GOPC: variants seen among roughly 807,000 people sequenced by gnomAD.
The protein encoded by GOPC is Golgi-associated PDZ and coiled-coil motif-containing protein.
GOPC carries 32 observed loss-of-function variants against 51.2 expected under a neutral mutation model. The observed-to-expected ratio is 0.63, with a 90% CI of 0.47 to 0.84. The LOEUF is 0.84. Among genes scored for constraint, GOPC ranks in the 40% least tolerant of loss-of-function variants. The pLI, the probability that GOPC is intolerant of heterozygous loss-of-function variation, is 0.00. For missense variants in GOPC, 441 were observed against 555.5 expected (o/e 0.79, Z 2.07); for synonymous variants, 190 against 205.1 (o/e 0.93, Z 0.63).
chr6:117,579,021 G>C lies in GOPC; in HGVS notation c.329C>G (p.Ala110Gly). Residue 110 changes from alanine (A) to glycine (G), a missense_variant, in exon 2 of 9, where the codon GCA becomes GGA. By Grantham distance (60) the Ala-to-Gly change is moderately conservative (BLOSUM62 0). This residue lies in a region of GOPC where 204 missense variants were observed against 219.8 expected (regional missense o/e 0.93). Coordinates refer to ENST00000368498, the MANE Select transcript of GOPC (RefSeq NM_020399.4). ...DLKSELTETQ[A>G]EKVVLEKEVH... is the part of the protein sequence containing the mutation. ...TTCTTTCTCCAAAACAACTTTCTCT[G>C]CTTGGGTTTCTGTCAGTTCAGATTT... The C allele has an allele frequency of 1.2e-6, 2 of 1,610,492 alleles. No homozygotes were observed. Among genetic ancestry groups the C allele is most frequent in the Non-Finnish European group, 8.5e-7 (1 of 1,178,514 alleles).
intron 7 of GOPC, among the ~76,000 whole-genome samples, chr6:117,567,251 A>G (rs557838752): frequency 1.3e-5 from 2 of 152,306 alleles, no homozygotes; most frequent in East Asian, 3.9e-4. Context: ...TAAACATTAT[A>G]GTAGCTCTTT....
At chr6:117,582,273 T>TCC (rs148429862) in intron 1 of GOPC, among the ~76,000 whole-genome samples, 1 of 119,126 alleles carries the variant, frequency 8.4e-6, no homozygotes. Flanking sequence ...CCTCCCCCCC[T>TCC]ACACACACAC....
intron 1 of GOPC, among the ~76,000 whole-genome samples, chr6:117,581,685 CTAAA>C (rs1330374208): frequency 1.3e-5 from 2 of 152,224 alleles, no homozygotes; most frequent in Admixed American, 6.5e-5. Context: ...ATTGTATTCA[CTAAA>C]TAAATATATA....
chr6:117,583,309 T>C (rs1270640735), intron 1 of GOPC, among the ~76,000 whole-genome samples: 1 of 152,220 alleles, frequency 6.6e-6, no homozygotes, highest in Non-Finnish European at 1.5e-5. Flanking sequence ...GAAAATATCC[T>C]GCATCAATAT....
At chr6:117,583,581 T>C (rs1779990049) in intron 1 of GOPC, among the ~76,000 whole-genome samples, 1 of 152,230 alleles carries the variant, frequency 6.6e-6, no homozygotes, top group Admixed American at 6.5e-5. Flanking sequence ...TTTCATCCTA[T>C]TTGTCATGTT....
At position 117,562,138 on chromosome 6, in the gene GOPC, A is replaced by G. The variant is rs2114596106; in HGVS notation, c.*1116T>C. 1 of 206,474 alleles carries G rather than the reference A, an allele frequency of 4.8e-6. No individual in the cohort carries two copies. Among genetic ancestry groups the G allele is most frequent in the Admixed American group, 5.9e-5 (1 of 16,870 alleles). 12.8% of individuals were successfully genotyped at this position (206,474 alleles called of 1,614,324 possible). On this transcript the variant is annotated 3_prime_UTR_variant, in exon 9 of 9. Coordinates refer to ENST00000368498, the MANE Select transcript of GOPC (RefSeq NM_020399.4). Reference sequence around the variant, plus strand: ...GAGAGGAGGCACTCCATGTTTAATCATGGGACAACAGACCTAACAAATTTA... The same window carrying G: ...GAGAGGAGGCACTCCATGTTTAATCGTGGGACAACAGACCTAACAAATTTA...
intron 1 of GOPC, among the ~76,000 whole-genome samples, chr6:117,590,571 CAAAAAAA>C (rs563071906): frequency 7.2e-5 from 5 of 69,508 alleles, no homozygotes; most frequent in African/African-American, 2.6e-4. Context: ...GACCCTGTCT[CAAAAAAA>C]AAAAAAAAAA....
intron 1 of GOPC, among the ~76,000 whole-genome samples, chr6:117,586,257 T>C (rs1177884847): frequency 6.6e-6 from 1 of 152,026 alleles, no homozygotes; most frequent in African/African-American, 2.4e-5. Flanking sequence ...ATAAAAATCA[T>C]ATAGAGATGG....
intron 8 of GOPC, among the ~76,000 whole-genome samples, chr6:117,566,366 T>C (rs1206833688): frequency 6.6e-6 from 1 of 152,164 alleles, no homozygotes; most frequent in African/African-American, 2.4e-5. Context: ...AGTTTTTCCT[T>C]AAAATATGTC....
At chr6:117,601,165 CTT>C (rs777131044) in intron 1 of GOPC, among the ~76,000 whole-genome samples, 1 of 152,280 alleles carries the variant, frequency 6.6e-6, no homozygotes, top group Non-Finnish European at 1.5e-5. Context: ...AGAAAGTACT[CTT>C]TATGCAATAA....
intron 5 of GOPC, among the ~76,000 whole-genome samples, chr6:117,571,609 C>T (rs1307610091): frequency 6.6e-6 from 1 of 152,120 alleles, no homozygotes; most frequent in Non-Finnish European, 1.5e-5. Context: ...CTCCCCCTTT[C>T]CTTAACCTCT....
At chr6:117,600,440 C>T (rs1967193) in intron 1 of GOPC, among the ~76,000 whole-genome samples, 79,231 of 152,014 alleles carry the variant, frequency 0.52, 21,253 homozygotes, top group East Asian at 0.79. Flanking sequence ...TTCCCATACA[C>T]GAAATTTGGG....
At position 117,602,267 on chromosome 6, in the gene GOPC, G is replaced by A. The variant is rs1196892481; in HGVS notation, c.22C>T (p.Pro8Ser). 1.3e-6 allele frequency: 2 copies of A among 1,593,004 alleles called. No individual in the cohort carries two copies. Among genetic ancestry groups the A allele is most frequent in the Non-Finnish European group, 1.7e-6 (2 of 1,176,970 alleles). The change falls in exon 1 of 9, where the codon CCA (proline) becomes TCA (serine). Residue 8 changes from proline (P) to serine (S), a missense_variant. By Grantham distance (74) the Pro-to-Ser change is moderately conservative. Transcript: ENST00000368498. MSAGGPC[P>S]AAAGGGPGGA... is the part of the protein sequence containing the mutation. ...CCTGGGCCCCCTCCGGCTGCTGCTGGGCATGGACCGCCCGCCGACATGGCG... is the reference window on the plus strand; with the variant it reads ...CCTGGGCCCCCTCCGGCTGCTGCTGAGCATGGACCGCCCGCCGACATGGCG...
intron 4 of GOPC, among the ~76,000 whole-genome samples, chr6:117,573,942 G>A (rs1275135271): frequency 6.6e-6 from 1 of 152,126 alleles, no homozygotes; most frequent in African/African-American, 2.4e-5. Flanking sequence ...TGTCTTGCAT[G>A]CAAAGTCACT....
At chr6:117,585,520 T>C (rs1780017829) in intron 1 of GOPC, among the ~76,000 whole-genome samples, 1 of 152,176 alleles carries the variant, frequency 6.6e-6, no homozygotes, top group Non-Finnish European at 1.5e-5. Context: ...TAAAACATCT[T>C]TATTTTACAC....
At chr6:117,592,206 A>C (rs1780128853) in intron 1 of GOPC, among the ~76,000 whole-genome samples, 1 of 152,154 alleles carries the variant, frequency 6.6e-6, no homozygotes. Context: ...GTCTCTACTA[A>C]AAATATAAAA....
Position 117,575,358 on chromosome 6 carries a change from T to G in GOPC, c.475-6A>C. Reference sequence around the variant, plus strand: ...TTTGCCTCAAGCTCTCTTTCCTATGTAATTTTTAAAAGCATATAATTTAAT... The same window carrying G: ...TTTGCCTCAAGCTCTCTTTCCTATGGAATTTTTAAAAGCATATAATTTAAT... On this transcript the variant is annotated splice_region_variant and splice_polypyrimidine_tract_variant and intron_variant, in intron 3 of 8. Transcript: ENST00000368498. 1.3e-6 allele frequency: 2 copies of G among 1,582,200 alleles called. No individual in the cohort carries two copies. The highest frequency in any genetic ancestry group is 3.6e-5 in the Admixed American group (2 of 55,630).
chr6:117,563,070 G>A lies in GOPC; in HGVS notation c.*184C>T, dbSNP rs1779618422. 2 of 561,590 alleles carry A rather than the reference G, an allele frequency of 3.6e-6. No individual in the cohort carries two copies. Among genetic ancestry groups the A allele is most frequent in the East Asian group, 5.9e-5 (2 of 33,920 alleles). The allele number at this position is 561,590 out of a possible 1,614,324, so 34.8% of individuals were successfully genotyped here. On this transcript the variant is annotated 3_prime_UTR_variant, in exon 9 of 9. Transcript: ENST00000368498. ...TGCTTTACATGCAATAGCTAATTAT[G>A]GTCTACCACAGAAAACAGGGTGTTT...
chr6:117,579,147 A>G, intron 1 of GOPC, 83 bp from the exon 2 acceptor site: 1 of 1,052,744 alleles, frequency 9.5e-7, no homozygotes, highest in Non-Finnish European at 1.4e-6. Context: ...GAATGACAAC[A>G]GAGAGACTAC....
Sources: gnomAD v4.1 joint callset for allele counts (sites outside exome capture counted in the v4.1 genomes callset) on GRCh38, gnomAD v4.1.1 for gene constraint, gnomAD v4.1.1 regional missense constraint, MANE v1.5 for transcripts, NCBI Gene and HGNC (gene_info 2026-07-23, HGNC 2026-07-21) for gene names.